CFAP95: variants seen among roughly 807,000 people sequenced by gnomAD.
CFAP95 encodes the protein cilia- and flagella-associated protein 95.
chr9:69,893,184 C>T, the CFAP95 span, among the ~76,000 whole-genome samples: 1 of 152,190 alleles, frequency 6.6e-6, no homozygotes, highest in Non-Finnish European at 1.5e-5. Context: ...CAGAGTTCTG[C>T]TCCTGCTGGT....
At chr9:69,846,291 A>G in the CFAP95 span, among the ~76,000 whole-genome samples, 2 of 152,080 alleles carry the variant, frequency 1.3e-5, no homozygotes, top group African/African-American at 4.8e-5. Flanking sequence ...CCAATATTAT[A>G]TGCGTTACAG....
At chr9:69,871,276 G>T in the CFAP95 span, among the ~76,000 whole-genome samples, 1 of 152,040 alleles carries the variant, frequency 6.6e-6, no homozygotes, top group Non-Finnish European at 1.5e-5. Context: ...CCTATGGGAG[G>T]CATGCATGGT....
chr9:69,842,525 A>G, the CFAP95 span, among the ~76,000 whole-genome samples: 1 of 152,248 alleles, frequency 6.6e-6, no homozygotes, highest in African/African-American at 2.4e-5. Context: ...TTCACTATAC[A>G]TAGATGTTTA....
At chr9:69,836,478 G>C in the CFAP95 span, among the ~76,000 whole-genome samples, 4 of 152,064 alleles carry the variant, frequency 2.6e-5, no homozygotes, top group Admixed American at 1.3e-4. Flanking sequence ...ATTGTCTCTG[G>C]GGTGGGAGTG....
chr9:69,868,404 C>T, the CFAP95 span, among the ~76,000 whole-genome samples: 3 of 151,984 alleles, frequency 2.0e-5, no homozygotes, highest in African/African-American at 7.2e-5. Flanking sequence ...GGTGTCATGG[C>T]CCCAGCACTT....
the CFAP95 span, among the ~76,000 whole-genome samples, chr9:69,859,852 T>C: frequency 6.6e-6 from 1 of 152,198 alleles, no homozygotes; most frequent in Non-Finnish European, 1.5e-5. Flanking sequence ...GTTACTGTAC[T>C]GAACAGTGTA....
At chr9:69,850,980 C>G in the CFAP95 span, among the ~76,000 whole-genome samples, 1 of 152,206 alleles carries the variant, frequency 6.6e-6, no homozygotes, top group African/African-American at 2.4e-5. Flanking sequence ...CAAATATCTT[C>G]TCTGTCATTT....
At chr9:69,858,329 C>G in the CFAP95 span, 1 of 258,848 alleles carries the variant, frequency 3.9e-6, no homozygotes, top group Non-Finnish European at 7.4e-6. Flanking sequence ...TGTACAATCC[C>G]AACTGAGGTC....
At chr9:69,876,025 T>A in the CFAP95 span, among the ~76,000 whole-genome samples, 4 of 152,176 alleles carry the variant, frequency 2.6e-5, no homozygotes, top group African/African-American at 7.2e-5. Flanking sequence ...TAACATTTTT[T>A]AAAAAAGAGT....
At chr9:69,904,787 G>A in the CFAP95 span, among the ~76,000 whole-genome samples, 88,031 of 152,064 alleles carry the variant, frequency 0.58, 28,920 homozygotes, top group Non-Finnish European at 0.74. Flanking sequence ...GAAATAGCCC[G>A]AATGACAAAA....
chr9:69,888,692 G>A, the CFAP95 span, among the ~76,000 whole-genome samples: 1 of 152,070 alleles, frequency 6.6e-6, no homozygotes, highest in African/African-American at 2.4e-5. Context: ...CCTGGCCAAT[G>A]TGGCGAAACC....
chr9:69,866,962 C>T, the CFAP95 span, among the ~76,000 whole-genome samples: 16 of 152,256 alleles, frequency 1.1e-4, no homozygotes, highest in Non-Finnish European at 1.6e-4. Flanking sequence ...TGAGTGGTGA[C>T]GGCTTACTAG....
At chr9:69,836,306 A>C in the CFAP95 span, among the ~76,000 whole-genome samples, 2 of 152,038 alleles carry the variant, frequency 1.3e-5, no homozygotes, top group Admixed American at 1.3e-4. Flanking sequence ...CAACCTTGGT[A>C]CTATGGACAT....
At chr9:69,839,193 C>T in the CFAP95 span, among the ~76,000 whole-genome samples, 30 of 116,742 alleles carry the variant, frequency 2.6e-4, no homozygotes, top group Admixed American at 8.0e-4. Context: ...GTCTAAAATT[C>T]TCTTTTTTTG....
chr9:69,821,830 A>C, the CFAP95 span, among the ~76,000 whole-genome samples: 1 of 152,028 alleles, frequency 6.6e-6, no homozygotes. Flanking sequence ...AAAATTTGAA[A>C]GTCTTGGCCA....
At chr9:69,832,415 C>T in the CFAP95 span, among the ~76,000 whole-genome samples, 11 of 152,024 alleles carry the variant, frequency 7.2e-5, no homozygotes, top group African/African-American at 2.7e-4. Flanking sequence ...GTCAGTGTGG[C>T]GCGTGTAATG....
At chr9:69,878,867 G>A in the CFAP95 span, among the ~76,000 whole-genome samples, 8 of 152,192 alleles carry the variant, frequency 5.3e-5, no homozygotes, top group African/African-American at 1.9e-4. Context: ...TCAGCTTCTA[G>A]GGAGTCCTCA....
the CFAP95 span, among the ~76,000 whole-genome samples, chr9:69,890,613 T>G: frequency 6.6e-6 from 1 of 152,248 alleles, no homozygotes; most frequent in Non-Finnish European, 1.5e-5. Flanking sequence ...GAGAATATTT[T>G]CTTGCTAGAG....
chr9:69,844,387 C>A, the CFAP95 span: 1 of 540,320 alleles, frequency 1.9e-6, no homozygotes, highest in Non-Finnish European at 3.1e-6. Context: ...CTTTATATGT[C>A]ACAAATCTAA....
Sources: allele counts gnomAD v4.1 joint callset (sites outside exome capture counted in the v4.1 genomes callset), GRCh38; gene constraint gnomAD v4.1.1; transcripts MANE v1.5; gene names NCBI Gene and HGNC (gene_info 2026-07-23, HGNC 2026-07-21).